NUTM2F: variants seen among roughly 807,000 people sequenced by gnomAD.
NUTM2F encodes the protein NUT family member 2F.
NUTM2F carries 22 observed loss-of-function variants against 43.3 expected under a neutral mutation model. That is an observed-to-expected ratio of 0.51 (90% CI 0.36 to 0.73). The LOEUF is 0.73. Ranked by LOEUF, NUTM2F falls within the 30% of genes least tolerant of loss-of-function variation. The pLI is 0.00. For missense variants in NUTM2F, 488 were observed against 927.4 expected (o/e 0.53, Z 6.15); for synonymous variants, 202 against 389.0 (o/e 0.52, Z 5.66).
In NUTM2F at chr9:94,325,852, G is replaced by A. The variant is rs537516220; in HGVS notation, c.99C>T (p.Pro33=). The change falls in exon 2 of 7, where the codon CCC becomes CCT. Residue 33 remains proline (P), a synonymous_variant. Coordinates refer to ENST00000253262, the MANE Select transcript of NUTM2F (RefSeq NM_017561.2). The part of the protein sequence containing the change: ...SVFTALPFAT[P]APGPAHRPPL... ...GCGGCCTGTGTGCTGGGCCGGGAGC[G>A]GGTGTGGCAAAGGGCAGAGCCGTGA... 1.1e-5 allele frequency: 18 copies of A among 1,612,032 alleles called. No individual in the cohort carries two copies. Among genetic ancestry groups the A allele is most frequent in the East Asian group, 6.7e-5 (3 of 44,872 alleles).
intron 1 of NUTM2F, among the ~76,000 whole-genome samples, chr9:94,326,235 A>T (rs1305993340): frequency 6.6e-6 from 1 of 151,664 alleles, no homozygotes; most frequent in Non-Finnish European, 1.5e-5. Context: ...CCTCACAGGC[A>T]TCTCCCAAGC....
At chr9:94,322,523 C>T (rs1166910565) in intron 2 of NUTM2F, among the ~76,000 whole-genome samples, 194 bp from the exon 3 acceptor site, 3 of 152,218 alleles carry the variant, frequency 2.0e-5, no homozygotes, top group Non-Finnish European at 4.4e-5. Flanking sequence ...ACTGAGTGGC[C>T]TCTCCGACTG....
At chr9:94,321,266 G>T (rs774607794) in intron 3 of NUTM2F, 34 bp from the exon 4 acceptor site, 4 of 1,564,056 alleles carry the variant, frequency 2.6e-6, no homozygotes, top group Non-Finnish European at 3.4e-6. Context: ...TGTGCTGAGA[G>T]GGTCCAGGCC....
Position 94,325,885 on chromosome 9 carries a change from C to T in NUTM2F, c.66G>A (p.Leu22=), listed in dbSNP as rs778182849. The change falls in exon 2 of 7, where the codon CTG becomes CTA. Residue 22 remains leucine, a synonymous_variant. Transcript: ENST00000253262. ...PGVTVNPGTS[L]SVFTALPFAT... The stretch of plus-strand genomic sequence containing the variant: ...CAAAGGGCAGAGCCGTGAACACAGA[C>T]AGGGAGGTGCCAGGGTTCACGGTCA... 6.2e-7 allele frequency: 1 copy of T among 1,611,814 alleles called. No homozygotes were observed. Among genetic ancestry groups the T allele is most frequent in the African/African-American group, 1.3e-5 (1 of 74,844 alleles).
rs1486606638 is a variant in NUTM2F at position 94,322,275 on chromosome 9, T to C, written c.768A>G (p.Gly256=). 2 of 1,611,928 alleles carry C rather than the reference T, an allele frequency of 1.2e-6. No individual in the cohort carries two copies. The highest frequency in any genetic ancestry group is 2.7e-5 in the African/African-American group (2 of 74,856). ...GCCATTCCCGCATGGCCTGCCACAG[T>C]CCCTCCTCCAGCGTCATGGTGGGCT... ...RRKPTMTLEE[G]LWQAMREWQH... is the part of the protein sequence containing the mutation. The change falls in exon 3 of 7, where the codon GGA becomes GGG. Residue 256 remains glycine (G), a synonymous_variant. Transcript: ENST00000253262.
At chr9:94,325,968 G>A (rs775627799) in intron 1 of NUTM2F, 34 bp from the exon 2 acceptor site, 2 of 1,608,928 alleles carry the variant, frequency 1.2e-6, no homozygotes, top group African/African-American at 1.3e-5. Context: ...GAATGAGCTG[G>A]CGTCTCCAGG....
At chr9:94,324,717 A>G (rs1831428029) in intron 2 of NUTM2F, among the ~76,000 whole-genome samples, 1 of 150,234 alleles carries the variant, frequency 6.7e-6, no homozygotes, top group African/African-American at 2.5e-5. Context: ...GGGGCGGGGC[A>G]TGATGGCTCA....
At position 94,325,837 on chromosome 9, in the gene NUTM2F, T is replaced by C; in HGVS notation, c.114A>G (p.Ala38=). The C allele has an allele frequency of 6.2e-7, 1 of 1,612,008 alleles. No homozygotes were observed. Among genetic ancestry groups the C allele is most frequent in the Non-Finnish European group, 8.5e-7 (1 of 1,179,846 alleles). Reference sequence around the variant, plus strand: ...CTGCAGTCACGAGGGGCGGCCTGTGTGCTGGGCCGGGAGCGGGTGTGGCAA... The same window carrying C: ...CTGCAGTCACGAGGGGCGGCCTGTGCGCTGGGCCGGGAGCGGGTGTGGCAA... ...LPFATPAPGP[A]HRPPLVTAVV... is the part of the protein sequence containing the mutation. Residue 38 remains alanine, a synonymous_variant, in exon 2 of 7, where the codon GCA becomes GCG. Coordinates refer to ENST00000253262, the MANE Select transcript of NUTM2F (RefSeq NM_017561.2).
chr9:94,323,185 C>T (rs1428150956), intron 2 of NUTM2F, among the ~76,000 whole-genome samples: 1 of 151,908 alleles, frequency 6.6e-6, no homozygotes, highest in African/African-American at 2.4e-5. Flanking sequence ...GAGCCCGGGG[C>T]GGCTACACTC....
chr9:94,324,466 T>G (rs1192569320), intron 2 of NUTM2F, among the ~76,000 whole-genome samples: 3 of 145,356 alleles, frequency 2.1e-5, no homozygotes, highest in Non-Finnish European at 3.0e-5. Context: ...ATTGAGAGCA[T>G]CCTGGCTAAC....
At position 94,322,206 on chromosome 9, in the gene NUTM2F, C is replaced by T. The variant is rs753871072; in HGVS notation, c.837G>A (p.Ala279=). The T allele has an allele frequency of 1.2e-5, 20 of 1,611,934 alleles. 1 individual carries two copies. The highest frequency in any genetic ancestry group is 2.2e-4 in the Middle Eastern group (1 of 4,456). The change falls in exon 3 of 7, where the codon GCG becomes GCA. Residue 279 remains alanine (A), a synonymous_variant. Transcript: ENST00000253262. The part of the protein sequence containing the change: ...NFDRMIFYEM[A]EKFLEFEAEE... ...CCCCAGGACCCCAGACTCACTTTTC[C>T]GCCATCTCGTAGAAGATCATCCGGT...
At chr9:94,325,965 C>A (rs1198698220) in intron 1 of NUTM2F, 31 bp from the exon 2 acceptor site, 1 of 1,609,410 alleles carries the variant, frequency 6.2e-7, no homozygotes, top group South Asian at 1.1e-5. Context: ...GGTGAATGAG[C>A]TGGCGTCTCC....
At chr9:94,328,130 C>A (rs1831473251) in intron 1 of NUTM2F, among the ~76,000 whole-genome samples, 1 of 151,812 alleles carries the variant, frequency 6.6e-6, no homozygotes, top group Non-Finnish European at 1.5e-5. Flanking sequence ...GCCAACCCAC[C>A]CAACAGTTTT....
chr9:94,321,946 C>A, intron 3 of NUTM2F, among the ~76,000 whole-genome samples: 1 of 151,806 alleles, frequency 6.6e-6, no homozygotes, highest in Middle Eastern at 3.4e-3. Context: ...TGGCTGCTCC[C>A]GCCATGACCC....
intron 1 of NUTM2F, among the ~76,000 whole-genome samples, chr9:94,328,380 A>G (rs1831476131): frequency 6.6e-6 from 1 of 151,936 alleles, no homozygotes; most frequent in African/African-American, 2.4e-5. Context: ...CCTTTCCACT[A>G]CACGGTGTAT....
chr9:94,322,167 C>T, intron 3 of NUTM2F, 34 bp downstream of exon 3: 1 of 1,611,704 alleles, frequency 6.2e-7, no homozygotes, highest in Admixed American at 1.7e-5. Flanking sequence ...CTCACCCCGC[C>T]ACACGGGCCC....
At chr9:94,319,750 G>T (rs1245028427) in intron 5 of NUTM2F, 21 bp from the exon 6 acceptor site, 1 of 1,598,496 alleles carries the variant, frequency 6.3e-7, no homozygotes, top group East Asian at 2.2e-5. Context: ...AAGGAAGAAG[G>T]TGTGAACTTC....
In NUTM2F at chr9:94,320,220, G is replaced by C. The variant is rs1336701498; in HGVS notation, c.1356C>G (p.Asp452Glu). ...SYIDKLCSQEDFVTKVEAVIH... is the reference protein window; with the variant it reads ...SYIDKLCSQEEFVTKVEAVIH... ...CAGGCAAGCCCACCTTGGTGACAAA[G>C]TCTTCCTGGGAACACAGCTTGTCAA... Residue 452 changes from aspartate (D) to glutamate (E), a missense_variant, in exon 5 of 7, where the codon GAC (aspartate) becomes GAG (glutamate). Transcript: ENST00000253262. This position sits in a 1 kb window ranked among gnomAD's most constrained non-coding sequence, Gnocchi z 4.5. The C allele has an allele frequency of 1.9e-6, 3 of 1,613,622 alleles. No homozygotes were observed. The highest frequency in any genetic ancestry group is 2.5e-6 in the Non-Finnish European group (3 of 1,179,862).
chr9:94,324,103 A>G (rs1031334213), intron 2 of NUTM2F, among the ~76,000 whole-genome samples: 2 of 151,876 alleles, frequency 1.3e-5, no homozygotes, highest in African/African-American at 4.8e-5. Context: ...CCCCGTCTCT[A>G]CTAAAAAATA....
Sources: allele counts gnomAD v4.1 joint callset (sites outside exome capture counted in the v4.1 genomes callset), GRCh38; gene constraint gnomAD v4.1.1; non-coding constraint Gnocchi (gnomAD v3.1); transcripts MANE v1.5; gene names NCBI Gene and HGNC (gene_info 2026-07-23, HGNC 2026-07-21).